PTPRR: variants seen among roughly 807,000 people sequenced by gnomAD.
PTPRR encodes protein tyrosine phosphatase receptor type R, also known as receptor-type tyrosine-protein phosphatase R.
A neutral mutation model predicts 77.2 loss-of-function variants in PTPRR; 38 were observed. The ratio of observed to expected loss-of-function variants is 0.49; its 90% confidence interval spans 0.38 to 0.65. The LOEUF is 0.65. PTPRR is among the 30% of genes least tolerant of loss of function. The pLI, the probability that PTPRR is intolerant of heterozygous loss-of-function variation, is 0.00. For synonymous variants in PTPRR, 299 were observed against 283.1 expected (o/e 1.06, Z -0.57); for missense variants, 744 against 799.2 (o/e 0.93, Z 0.83).
chr12:70,901,466 C>A (rs1201585670), intron 1 of PTPRR, among the ~76,000 whole-genome samples: 1 of 151,602 alleles, frequency 6.6e-6, no homozygotes, highest in Non-Finnish European at 1.5e-5. Context: ...CTACTTACAG[C>A]CAAATGATCT....
intron 13 of PTPRR, among the ~76,000 whole-genome samples, chr12:70,653,092 C>A (rs1172070079): frequency 1.3e-5 from 2 of 152,118 alleles, no homozygotes; most frequent in Non-Finnish European, 1.5e-5. Flanking sequence ...TGGCACTAAA[C>A]AAGAACACAG....
In PTPRR at chr12:70,842,793, C is replaced by G. The variant is rs1892418571; in HGVS notation, c.357+49886G>C. 2.0e-5 allele frequency among the ~76,000 whole-genome samples: 3 copies of G among 152,310 alleles called. No individual in the cohort carries two copies. The South Asian group carries it at 6.2e-4, about 32-fold the overall frequency. On this transcript the variant is annotated intron_variant, in intron 2 of 13. Transcript: ENST00000283228. ...TCATCTTCCAAAATAAGATAATAGT[C>G]ACAGATTCCAGAGATTTGGCATGGA...
chr12:70,875,070 A>ATCATTCAT (rs571662248), intron 2 of PTPRR, among the ~76,000 whole-genome samples: 48 of 152,344 alleles, frequency 3.2e-4, no homozygotes, highest in African/African-American at 1.1e-3. Flanking sequence ...AATGTGAATT[A>ATCATTCAT]TCATTCATAG....
At chr12:70,755,739 G>A (rs1260783746) in intron 4 of PTPRR, among the ~76,000 whole-genome samples, 4 of 138,338 alleles carry the variant, frequency 2.9e-5, no homozygotes, top group Non-Finnish European at 6.2e-5. Context: ...ATGATAAATC[G>A]ATGGAGAATC....
intron 6 of PTPRR, among the ~76,000 whole-genome samples, chr12:70,714,482 A>T (rs1164696636): frequency 6.6e-6 from 1 of 152,136 alleles, no homozygotes; most frequent in Non-Finnish European, 1.5e-5. Flanking sequence ...ATAGTTTTGC[A>T]ACTTTTTCCC....
intron 13 of PTPRR, among the ~76,000 whole-genome samples, chr12:70,645,172 G>A (rs961730679): frequency 6.6e-6 from 1 of 152,296 alleles, no homozygotes; most frequent in South Asian, 2.1e-4. Context: ...GCTTTGACCA[G>A]GGAAGTTGTG....
At chr12:70,719,964 C>G (rs1417940391) in intron 6 of PTPRR, among the ~76,000 whole-genome samples, 1 of 152,262 alleles carries the variant, frequency 6.6e-6, no homozygotes, top group Non-Finnish European at 1.5e-5. Flanking sequence ...CTGCCGACGA[C>G]CCTGAAACCT....
At chr12:70,676,175 CTTTTT>C in intron 10 of PTPRR, among the ~76,000 whole-genome samples, 2 of 151,834 alleles carry the variant, frequency 1.3e-5, no homozygotes, top group South Asian at 4.2e-4. Flanking sequence ...CTTAGACACT[CTTTTT>C]TATTTTTTTG....
intron 6 of PTPRR, among the ~76,000 whole-genome samples, chr12:70,709,822 G>A (rs1888757893): frequency 6.6e-6 from 1 of 152,058 alleles, no homozygotes; most frequent in Non-Finnish European, 1.5e-5. Flanking sequence ...GCAAAACACT[G>A]CTCAAGTAAA....
chr12:70,728,790 C>G (rs1218157413), intron 6 of PTPRR, among the ~76,000 whole-genome samples: 1 of 151,950 alleles, frequency 6.6e-6, no homozygotes, highest in Non-Finnish European at 1.5e-5. Flanking sequence ...TCCTTGTCCA[C>G]ACAACACTAA....
chr12:70,839,656 G>T (rs1440522121), intron 2 of PTPRR, among the ~76,000 whole-genome samples: 3 of 152,122 alleles, frequency 2.0e-5, no homozygotes, highest in East Asian at 1.9e-4. Flanking sequence ...GCAAGTAAAA[G>T]AAATTATTAG....
chr12:70,855,241 T>G (rs574429129), intron 2 of PTPRR, among the ~76,000 whole-genome samples: 1 of 152,300 alleles, frequency 6.6e-6, no homozygotes, highest in Admixed American at 6.5e-5. Context: ...CTGCGATGGA[T>G]GTTTTACATC....
chr12:70,895,963 T>C (rs772845082), intron 1 of PTPRR, among the ~76,000 whole-genome samples: 2 of 151,684 alleles, frequency 1.3e-5, no homozygotes, highest in Non-Finnish European at 3.0e-5. Flanking sequence ...TACCTGACCC[T>C]GGACTCAGAT....
In PTPRR at chr12:70,863,582, G is replaced by A. The variant is rs1304631171; in HGVS notation, c.357+29097C>T. 2.0e-5 allele frequency among the ~76,000 whole-genome samples: 3 copies of A among 151,744 alleles called. No homozygotes were observed. The East Asian group carries it at 5.8e-4, about 29-fold the overall frequency. On this transcript the variant is annotated intron_variant, in intron 2 of 13. Coordinates refer to ENST00000283228, the MANE Select transcript of PTPRR (RefSeq NM_002849.4). ...TAAGTATGTCATCTTTTTAAATTTA[G>A]CAAGCTGATTCCTAAAATGGTCAAT... is the stretch of plus-strand genomic sequence containing the variant.
chr12:70,758,230 C>T (rs139228422), intron 4 of PTPRR, among the ~76,000 whole-genome samples: 6 of 152,326 alleles, frequency 3.9e-5, no homozygotes, highest in African/African-American at 7.2e-5. Context: ...GAATCTATCA[C>T]ATTTATCATC....
At chr12:70,704,141 T>C (rs1888529431) in intron 6 of PTPRR, among the ~76,000 whole-genome samples, 1 of 151,898 alleles carries the variant, frequency 6.6e-6, no homozygotes, top group Admixed American at 6.6e-5. Context: ...CCAAAAATAG[T>C]CCAGGGATGT....
intron 2 of PTPRR, among the ~76,000 whole-genome samples, chr12:70,826,479 C>A (rs1400866427): frequency 6.6e-6 from 1 of 152,144 alleles, no homozygotes; most frequent in African/African-American, 2.4e-5. Flanking sequence ...TACTCAATAG[C>A]ACTTAGGAAA....
chr12:70,863,546 T>C (rs2137081395), intron 2 of PTPRR, among the ~76,000 whole-genome samples: 1 of 152,272 alleles, frequency 6.6e-6, no homozygotes, highest in East Asian at 1.9e-4. Context: ...CTAGGAAGCA[T>C]ATTATAAATA....
At chr12:70,698,237 A>C in intron 8 of PTPRR, 28 bp downstream of exon 8, 1 of 1,594,010 alleles carries the variant, frequency 6.3e-7, no homozygotes, top group Non-Finnish European at 8.6e-7. Flanking sequence ...CCCCCATACA[A>C]TGCAAATTAT....
Sources: allele counts gnomAD v4.1 joint callset (sites outside exome capture counted in the v4.1 genomes callset), GRCh38; gene constraint gnomAD v4.1.1; transcripts MANE v1.5; gene names NCBI Gene and HGNC (gene_info 2026-07-23, HGNC 2026-07-21).